The following SRGAP3 variants were observed in gnomAD, a reference collection of about 807,000 sequenced individuals.
SRGAP3 encodes the protein SLIT-ROBO Rho GTPase-activating protein 3.
SRGAP3 carries 39 observed loss-of-function variants against 121.1 expected under a neutral mutation model. The ratio of observed to expected loss-of-function variants is 0.32; its 90% CI spans 0.25 to 0.42. The LOEUF (loss-of-function observed/expected upper bound fraction) is 0.42. Ranked by LOEUF, SRGAP3 falls within the 10% of genes least tolerant of loss-of-function variation. The pLI is 1.00. For missense variants in SRGAP3, 1,213 were observed against 1,470.6 expected (o/e 0.82, Z 2.86); for synonymous variants, 601 against 570.0 (o/e 1.05, Z -0.77).
intron 18 of SRGAP3, among the ~76,000 whole-genome samples, chr3:9,003,095 T>C (rs1942858657): frequency 1.3e-5 from 2 of 152,186 alleles, no homozygotes; most frequent in Admixed American, 6.5e-5. Context: ...AGGCAAGTAT[T>C]ACCCTGATAC....
At chr3:9,010,126 C>T (rs1031727845) in intron 18 of SRGAP3, among the ~76,000 whole-genome samples, 182 bp downstream of exon 18, 3 of 152,194 alleles carry the variant, frequency 2.0e-5, no homozygotes, top group Admixed American at 6.5e-5. Flanking sequence ...TGTGTCAGGC[C>T]CATGCCAGGA....
intron 1 of SRGAP3, among the ~76,000 whole-genome samples, chr3:9,358,108 T>C (rs903396414): frequency 3.3e-5 from 5 of 152,068 alleles, no homozygotes; most frequent in African/African-American, 1.2e-4. Context: ...CTCTGAAATA[T>C]TTTAAACTGT....
chr3:9,136,394 A>AG (rs1553675065), intron 1 of SRGAP3, among the ~76,000 whole-genome samples: 2 of 35,326 alleles, frequency 5.7e-5, no homozygotes, highest in Non-Finnish European at 1.2e-4. Flanking sequence ...CGTCGCTGGG[A>AG]CCCCCCCCCC....
chr3:9,151,080 C>T (rs1296494756), intron 1 of SRGAP3, among the ~76,000 whole-genome samples: 2 of 152,138 alleles, frequency 1.3e-5, no homozygotes, highest in African/African-American at 4.8e-5. Context: ...CCTGGGATGG[C>T]TTGAGGAGGT....
At position 9,013,549 on chromosome 3, in the gene SRGAP3, G is replaced by A. The variant is rs747318224; in HGVS notation, c.1920-14C>T. The A allele has an allele frequency of 7.4e-6, 12 of 1,613,436 alleles. No individual in the cohort carries two copies. In the African/African-American group the frequency reaches 1.5e-4, roughly 20 times the overall value. Reference sequence around the variant, plus strand: ...TACTGGGAGAGGCTAGGAGAGAGGAGTTACCCACAAGTCATCTGGGAAAGG... The same window carrying A: ...TACTGGGAGAGGCTAGGAGAGAGGAATTACCCACAAGTCATCTGGGAAAGG... On this transcript the variant is annotated splice_polypyrimidine_tract_variant and intron_variant, in intron 16 of 21. Coordinates refer to ENST00000383836, the MANE Select transcript of SRGAP3 (RefSeq NM_014850.4).
In SRGAP3 at chr3:9,233,638, C is replaced by A. The variant is rs537707803; in HGVS notation, c.67+15247G>T. ...ATGGAAAGATGGTTCTGTCTAGATC[C>A]TAAAGAGCTCAGGAAACAATGATGG... On this transcript the variant is annotated intron_variant, in intron 1 of 21. Transcript: ENST00000383836. 3.3e-5 allele frequency among the ~76,000 whole-genome samples: 5 copies of A among 152,264 alleles called. No homozygotes were observed. In the South Asian group the frequency reaches 8.3e-4, roughly 25 times the overall value.
At chr3:9,318,812 G>A (rs1955393085) in intron 3 of SRGAP3, among the ~76,000 whole-genome samples, 1 of 151,606 alleles carries the variant, frequency 6.6e-6, no homozygotes, top group Non-Finnish European at 1.5e-5. Flanking sequence ...CTGGGAGGTC[G>A]AGGCTGCAGT....
chr3:9,159,494 G>A (rs544816116), intron 1 of SRGAP3, among the ~76,000 whole-genome samples: 7 of 152,164 alleles, frequency 4.6e-5, no homozygotes, highest in Admixed American at 2.0e-4. Flanking sequence ...GCCCCCTGCC[G>A]CCACATCAGT....
At chr3:9,207,106 G>T (rs1289941471) in intron 1 of SRGAP3, among the ~76,000 whole-genome samples, 1 of 152,150 alleles carries the variant, frequency 6.6e-6, no homozygotes, top group Non-Finnish European at 1.5e-5. Flanking sequence ...GGGGAAATTA[G>T]GAAAGTCCCA....
intron 3 of SRGAP3, among the ~76,000 whole-genome samples, chr3:9,098,622 C>G (rs924900631): frequency 4.6e-5 from 7 of 152,202 alleles, no homozygotes; most frequent in Non-Finnish European, 8.8e-5. Flanking sequence ...TTGGACACAT[C>G]TGGATTCAAA....
chr3:9,032,643 C>A lies in SRGAP3; in HGVS notation c.1539+7G>T, dbSNP rs374645337. ...ATTCGCGGACTCCACGGCTCCCCAG[C>A]AAGTACCTTAATGAATGCTTCCATA... On this transcript the variant is annotated splice_region_variant and intron_variant, in intron 12 of 21. Transcript: ENST00000383836. The A allele has an allele frequency of 6.2e-7, 1 of 1,613,060 alleles. No homozygotes were observed. The highest frequency in any genetic ancestry group is 1.3e-5 in the African/African-American group (1 of 74,752).
intron 18 of SRGAP3, among the ~76,000 whole-genome samples, chr3:9,004,376 A>G (rs1037275574): frequency 6.6e-6 from 1 of 152,210 alleles, no homozygotes; most frequent in Non-Finnish European, 1.5e-5. Flanking sequence ...TGCAATCCCT[A>G]TCAGAATCCT....
At chr3:9,346,414 T>C (rs1955892090) in intron 1 of SRGAP3, among the ~76,000 whole-genome samples, 1 of 152,178 alleles carries the variant, frequency 6.6e-6, no homozygotes, top group African/African-American at 2.4e-5. Context: ...GACTTGTTTT[T>C]CTATTTTTAA....
At chr3:9,097,129 T>G (rs1948018596) in intron 3 of SRGAP3, among the ~76,000 whole-genome samples, 1 of 151,292 alleles carries the variant, frequency 6.6e-6, no homozygotes, top group African/African-American at 2.4e-5. Flanking sequence ...TAGCTTGGAC[T>G]ACAGGCATGA....
chr3:9,286,294 G>A (rs114129832), intron 3 of SRGAP3, among the ~76,000 whole-genome samples: 2,471 of 152,076 alleles, frequency 0.016, 33 homozygotes, highest in African/African-American at 0.044. Flanking sequence ...CCTGGTAATG[G>A]GTGAGGAAAG....
chr3:9,076,691 T>C lies in SRGAP3; in HGVS notation c.486+3334A>G, dbSNP rs377001342. ...GCCCACTTTTCTGAATCTTTTTCCT[T>C]CTTGTTCTCCCTCCCTCCCTCCCTC... On this transcript the variant is annotated intron_variant, in intron 4 of 21. Transcript: ENST00000383836. Among the ~76,000 whole-genome samples the C allele has an allele frequency of 1.1e-4, 16 of 152,122 alleles. No homozygotes were observed. In the East Asian group the frequency reaches 1.9e-3, roughly 18 times the overall value.
At chr3:9,147,601 T>C (rs1434020326) in intron 1 of SRGAP3, among the ~76,000 whole-genome samples, 1 of 152,112 alleles carries the variant, frequency 6.6e-6, no homozygotes, top group Non-Finnish European at 1.5e-5. Context: ...GGGCACAGAA[T>C]CATTAGCCAG....
chr3:9,231,258 C>T (rs967581283), intron 1 of SRGAP3, among the ~76,000 whole-genome samples: 2 of 152,194 alleles, frequency 1.3e-5, no homozygotes, highest in Non-Finnish European at 1.5e-5. Context: ...GGGGCATTCC[C>T]GTTTCTTGGG....
In SRGAP3 at chr3:8,985,248, T is replaced by C; in HGVS notation, c.*271A>G. ...ATGCGGGAGAAGCCATGTGGTATTT[T>C]GCCTCCATGTTAGGGAATGCTGTGG... On this transcript the variant is annotated 3_prime_UTR_variant, in exon 22 of 22. Transcript: ENST00000383836. This position sits in a 1 kb window ranked among gnomAD's most constrained non-coding sequence, Gnocchi z 5.1. The C allele has an allele frequency of 1.7e-5, 10 of 572,806 alleles. No individual in the cohort carries two copies. The highest frequency in any genetic ancestry group is 4.5e-5 in the South Asian group (2 of 44,084). The allele number at this position is 572,806 out of a possible 1,614,324, so 35.5% of individuals were successfully genotyped here. A position where few individuals can be genotyped will look rare whatever the true frequency, so the allele number is the denominator to read the frequency against.
Sources: allele counts gnomAD v4.1 joint callset (sites outside exome capture counted in the v4.1 genomes callset), GRCh38; gene constraint gnomAD v4.1.1; non-coding constraint Gnocchi (gnomAD v3.1); transcripts MANE v1.5; gene names NCBI Gene and HGNC (gene_info 2026-07-23, HGNC 2026-07-21).